Variants in SLC5A12 observed in about 807,000 individuals in gnomAD.
SLC5A12 encodes the protein sodium-coupled monocarboxylate transporter 2.
SLC5A12 carries 46 observed loss-of-function variants against 72.7 expected under a neutral mutation model. The observed-to-expected ratio is 0.63, with a 90% CI of 0.50 to 0.81. SLC5A12 has a LOEUF of 0.81. Ranked by LOEUF, SLC5A12 falls within the 30% of genes least tolerant of loss-of-function variation. SLC5A12 has a pLI of 0.00. For synonymous variants in SLC5A12, 275 were observed against 264.4 expected, an observed-to-expected ratio of 1.04 and a Z score of -0.39; for missense variants, 683 against 740.7, an observed-to-expected ratio of 0.92 and a Z score of 0.90.
chr11:26,680,328 CAT>C (rs754498970), intron 12 of SLC5A12, among the ~76,000 whole-genome samples: 1,045 of 74,428 alleles, frequency 0.014, 58 homozygotes, highest in African/African-American at 0.022. Flanking sequence ...TATATATATT[CAT>C]ATATATATGT....
At chr11:26,686,398 G>T in intron 10 of SLC5A12, 79 bp downstream of exon 10, 1 of 1,289,218 alleles carries the variant, frequency 7.8e-7, no homozygotes. Context: ...TTTGGATCTT[G>T]GAGGAAGAAG....
At chr11:26,717,559 G>T (rs1307068343) in intron 1 of SLC5A12, among the ~76,000 whole-genome samples, 1 of 152,116 alleles carries the variant, frequency 6.6e-6, no homozygotes, top group South Asian at 2.1e-4. Flanking sequence ...CTTGTGACAG[G>T]GTAGTGATAA....
Position 26,698,551 on chromosome 11 carries a change from T to G in SLC5A12, c.822-16A>C, listed in dbSNP as rs1377570746. The G allele has an allele frequency of 3.1e-6, 5 of 1,613,392 alleles. No individual in the cohort carries two copies. In the Admixed American group the frequency reaches 8.3e-5, roughly 27 times the overall value. On this transcript the variant is annotated splice_polypyrimidine_tract_variant and intron_variant, in intron 6 of 14. Transcript: ENST00000396005. ...ATACAAGGCACTAGAAAAGAGCACA[T>G]GGGCCTATTGGTAGCCTGTATACCA... is the stretch of plus-strand genomic sequence containing the variant.
At position 26,678,831 on chromosome 11, in the gene SLC5A12, C is replaced by T. The variant is rs1854326054; in HGVS notation, c.1476-16G>A. ...TATTCCAGGTCTGTGGAGAACAGCACATGTCACCAATTCCATGCATCCTAA... is the reference window on the plus strand; with the variant it reads ...TATTCCAGGTCTGTGGAGAACAGCATATGTCACCAATTCCATGCATCCTAA... On this transcript the variant is annotated splice_polypyrimidine_tract_variant and intron_variant, in intron 12 of 14. Coordinates refer to ENST00000396005, the MANE Select transcript of SLC5A12 (RefSeq NM_178498.4). 1.3e-6 allele frequency: 2 copies of T among 1,564,424 alleles called. No homozygotes were observed. Among genetic ancestry groups the T allele is most frequent in the Non-Finnish European group, 1.8e-6 (2 of 1,138,416 alleles).
chr11:26,703,851 C>G lies in SLC5A12; in HGVS notation c.622G>C (p.Gly208Arg). The change falls in exon 5 of 15, where the codon GGG (glycine) becomes CGG (arginine). Residue 208 changes from glycine to arginine, a missense_variant. Transcript: ENST00000396005. ...TVLIQGSTHA[G>R]GFHNVLEQST... ...TGCTCTAATACATTGTGGAATCCCC[C>G]AGCATGAGTTGATCCTTGAATGAGA... The G allele has an allele frequency of 6.2e-7, 1 of 1,613,922 alleles. No individual in the cohort carries two copies. The highest frequency in any genetic ancestry group is 8.5e-7 in the Non-Finnish European group (1 of 1,179,866).
intron 1 of SLC5A12, among the ~76,000 whole-genome samples, chr11:26,713,983 A>G (rs1015245938): frequency 1.3e-5 from 2 of 151,584 alleles, no homozygotes; most frequent in African/African-American, 4.8e-5. Context: ...ATTTCCCACT[A>G]CCTCCCTCAT....
intron 3 of SLC5A12, 28 bp from the exon 4 acceptor site, chr11:26,709,407 G>GAA: frequency 6.4e-7 from 1 of 1,564,786 alleles, no homozygotes; most frequent in East Asian, 2.3e-5. Flanking sequence ...AATATTAAAA[G>GAA]AAGTTTCCTT....
In SLC5A12 at chr11:26,707,656, C is replaced by T. The variant is rs567311150; in HGVS notation, c.525+1656G>A. Among the ~76,000 whole-genome samples, 5 of 152,036 alleles carry T rather than the reference C, an allele frequency of 3.3e-5. 1 individual carries two copies. The South Asian group carries it at 1.0e-3, about 31-fold the overall frequency. On this transcript the variant is annotated intron_variant, in intron 4 of 14. Transcript: ENST00000396005. Reference sequence around the variant, plus strand: ...GCTTACTCATCTTTGAAATTACATTCTTTATTTATTTCAGTTGTTTATGCA... The same window carrying T: ...GCTTACTCATCTTTGAAATTACATTTTTTATTTATTTCAGTTGTTTATGCA...
intron 14 of SLC5A12, among the ~76,000 whole-genome samples, chr11:26,672,526 C>T (rs1854167072): frequency 6.6e-6 from 1 of 152,088 alleles, no homozygotes; most frequent in African/African-American, 2.4e-5. Flanking sequence ...CAATGCTGCC[C>T]CAGATAGCTT....
intron 9 of SLC5A12, 26 bp from the exon 10 acceptor site, chr11:26,686,570 T>C: frequency 1.2e-6 from 2 of 1,608,364 alleles, no homozygotes; most frequent in Non-Finnish European, 1.7e-6. Flanking sequence ...ATTACAATCA[T>C]AATTTCCTGA....
Position 26,721,827 on chromosome 11 carries a change from C to T in SLC5A12, c.-113G>A. The T allele has an allele frequency of 1.1e-6, 1 of 912,590 alleles. No individual in the cohort carries two copies. The highest frequency in any genetic ancestry group is 1.6e-5 in the South Asian group (1 of 60,904). 56.5% of individuals were successfully genotyped at this position (912,590 alleles called of 1,614,324 possible). ...TTTGCTGAGAGGAGAGACTGTGATTCCCTGAAGAAAATGATTACCAGAGGC... is the reference window on the plus strand; with the variant it reads ...TTTGCTGAGAGGAGAGACTGTGATTTCCTGAAGAAAATGATTACCAGAGGC... On this transcript the variant is annotated 5_prime_UTR_variant, in exon 1 of 15. Coordinates refer to ENST00000396005, the MANE Select transcript of SLC5A12 (RefSeq NM_178498.4).
chr11:26,686,459 T>C lies in SLC5A12; in HGVS notation c.1221+18A>G, dbSNP rs1429115223. The C allele has an allele frequency of 1.9e-6, 3 of 1,613,084 alleles. No homozygotes were observed. Among genetic ancestry groups the C allele is most frequent in the African/African-American group, 1.3e-5 (1 of 74,898 alleles). ...AAGTTCCAGTGAAACCAAATGTGTC[T>C]TTTCCTTCTTTCGTTACCTGCACAA... On this transcript the variant is annotated intron_variant, in intron 10 of 14. Coordinates refer to ENST00000396005, the MANE Select transcript of SLC5A12 (RefSeq NM_178498.4).
chr11:26,680,104 G>C (rs1479222164), intron 12 of SLC5A12, among the ~76,000 whole-genome samples: 1 of 151,288 alleles, frequency 6.6e-6, no homozygotes, highest in Non-Finnish European at 1.5e-5. Flanking sequence ...TGAGAAGCCT[G>C]GACTCAGAGG....
chr11:26,695,803 C>T (rs1015917476), intron 8 of SLC5A12, among the ~76,000 whole-genome samples: 1 of 152,138 alleles, frequency 6.6e-6, no homozygotes, highest in Non-Finnish European at 1.5e-5. Flanking sequence ...TTCATAAAGG[C>T]TTGTTGTGAT....
intron 9 of SLC5A12, among the ~76,000 whole-genome samples, chr11:26,690,758 G>A (rs1854650959): frequency 1.4e-5 from 2 of 147,718 alleles, no homozygotes; most frequent in Admixed American, 6.8e-5. Flanking sequence ...AGTGAGCCAA[G>A]ATCATGCCAT....
intron 7 of SLC5A12, among the ~76,000 whole-genome samples, chr11:26,697,732 C>T (rs1035079560): frequency 2.6e-5 from 4 of 151,998 alleles, no homozygotes; most frequent in African/African-American, 9.7e-5. Flanking sequence ...AAATAAGGGT[C>T]GTTTTCTTCA....
In SLC5A12 at chr11:26,703,797, A is replaced by G. The variant is rs776576760; in HGVS notation, c.676T>C (p.Phe226Leu). ...QSTNGSRLHIFDFDVDPLRRH... is the reference protein window; with the variant it reads ...QSTNGSRLHILDFDVDPLRRH... Reference sequence around the variant, plus strand: ...AAAAAGTTGCATTGGACATACTCAAATATATGTAGTCGAGATCCATTTGTT... The same window carrying G: ...AAAAAGTTGCATTGGACATACTCAAGTATATGTAGTCGAGATCCATTTGTT... The change falls in exon 5 of 15, where the codon TTT (phenylalanine) becomes CTT (leucine). Residue 226 changes from phenylalanine to leucine, a missense_variant. Coordinates refer to ENST00000396005, the MANE Select transcript of SLC5A12 (RefSeq NM_178498.4). The G allele has an allele frequency of 1.2e-5, 20 of 1,613,864 alleles. No individual in the cohort carries two copies. In the East Asian group the frequency reaches 4.5e-4, roughly 36 times the overall value.
At position 26,667,118 on chromosome 11, in the gene SLC5A12, ATAGG is replaced by A. The variant is rs1304212735; in HGVS notation, c.*3980_*3983del. 6.6e-6 allele frequency: 1 copy of A among 151,900 alleles called. No homozygotes were observed. The highest frequency in any genetic ancestry group is 2.4e-5 in the African/African-American group (1 of 41,420). The allele number at this position is 151,900 out of a possible 1,614,324, so 9.4% of individuals were successfully genotyped here. ...TCAATTAAATTTTAGTTATTTGAAA[ATAGG>A]TTATACTACAAGATTATAAATGCTA... On this transcript the variant is annotated 3_prime_UTR_variant, in exon 15 of 15. Coordinates refer to ENST00000396005, the MANE Select transcript of SLC5A12 (RefSeq NM_178498.4).
At chr11:26,683,538 A>T (rs1266229410) in intron 11 of SLC5A12, among the ~76,000 whole-genome samples, 1 of 152,208 alleles carries the variant, frequency 6.6e-6, no homozygotes, top group Non-Finnish European at 1.5e-5. Context: ...ATGTCAGGAT[A>T]TGTGGCAGTT....
Sources: gnomAD v4.1 joint callset for allele counts (sites outside exome capture counted in the v4.1 genomes callset) on GRCh38, gnomAD v4.1.1 for gene constraint, MANE v1.5 for transcripts, NCBI Gene and HGNC (gene_info 2026-07-23, HGNC 2026-07-21) for gene names.